Variants in SRD5A2 observed in about 807,000 individuals in gnomAD.
The protein encoded by SRD5A2 is 3-oxo-5-alpha-steroid 4-dehydrogenase 2.
In SRD5A2, 30 loss-of-function variants were observed where a neutral mutation model predicts 27.4. The observed-to-expected ratio is 1.10, with a 90% CI of 0.82 to 1.49. The LOEUF is 1.49. Ranked by LOEUF, SRD5A2 falls within the 40% of genes most tolerant of loss-of-function variation. The pLI, the probability that SRD5A2 is intolerant of heterozygous loss-of-function variation, is 0.00. For synonymous variants in SRD5A2, 141 were observed against 133.6 expected (o/e 1.06, Z -0.38); for missense variants, 348 against 323.4 (o/e 1.08, Z -0.58).
the SRD5A2 span, among the ~76,000 whole-genome samples, chr2:31,643,554 C>A: frequency 1.3e-5 from 2 of 151,952 alleles, no homozygotes; most frequent in African/African-American, 4.8e-5. Context: ...ATACGTAGTA[C>A]CTAGATCTTT....
the SRD5A2 span, among the ~76,000 whole-genome samples, chr2:31,640,350 T>G: frequency 4.0e-3 from 606 of 152,292 alleles, no homozygotes; most frequent in Middle Eastern, 0.01. Context: ...AGTCACTGGA[T>G]TTTTTCTTTG....
chr2:31,632,298 C>T, the SRD5A2 span, among the ~76,000 whole-genome samples: 33 of 152,234 alleles, frequency 2.2e-4, no homozygotes, highest in East Asian at 1.3e-3. Context: ...CTCTGGAACA[C>T]GGAAAGCCTG....
chr2:31,574,765 T>C (rs561780787), intron 1 of SRD5A2, among the ~76,000 whole-genome samples: 3 of 152,254 alleles, frequency 2.0e-5, no homozygotes, highest in East Asian at 1.9e-4. Flanking sequence ...AATTTTATTA[T>C]AGAATTACCA....
At chr2:31,599,361 T>C in the SRD5A2 span, among the ~76,000 whole-genome samples, 1 of 152,080 alleles carries the variant, frequency 6.6e-6, no homozygotes, top group African/African-American at 2.4e-5. Flanking sequence ...GAATATACTT[T>C]ATTTTCCTCA....
At chr2:31,618,663 T>G in the SRD5A2 span, among the ~76,000 whole-genome samples, 3 of 152,062 alleles carry the variant, frequency 2.0e-5, no homozygotes, top group African/African-American at 7.2e-5. Context: ...GGTGGTTACC[T>G]GAGGCTAAGG....
At chr2:31,614,241 G>A in the SRD5A2 span, among the ~76,000 whole-genome samples, 2 of 152,212 alleles carry the variant, frequency 1.3e-5, no homozygotes, top group African/African-American at 4.8e-5. Context: ...AGGGACATAA[G>A]CATTGGATAA....
chr2:31,642,753 T>A, the SRD5A2 span, among the ~76,000 whole-genome samples: 1 of 151,972 alleles, frequency 6.6e-6, no homozygotes, highest in Non-Finnish European at 1.5e-5. Flanking sequence ...CCTAAAACTA[T>A]AAACAACCCA....
chr2:31,630,856 C>G, the SRD5A2 span, among the ~76,000 whole-genome samples: 1 of 152,158 alleles, frequency 6.6e-6, no homozygotes, highest in Non-Finnish European at 1.5e-5. Flanking sequence ...AAAGGTCCGA[C>G]CAGACCTAGA....
At chr2:31,581,655 G>A (rs1352800517), upstream of SRD5A2, among the ~76,000 whole-genome samples, 3 of 152,144 alleles carry the variant, frequency 2.0e-5, no homozygotes, top group Admixed American at 6.5e-5. Context: ...GGGTGATCAT[G>A]CACAGATTGG....
intron 1 of SRD5A2, among the ~76,000 whole-genome samples, chr2:31,555,082 G>A (rs1434162118): frequency 6.6e-6 from 1 of 151,630 alleles, no homozygotes; most frequent in African/African-American, 2.4e-5. Flanking sequence ...GAATTTAAAT[G>A]TGGGTCTTCT....
At chr2:31,593,950 T>G in the SRD5A2 span, among the ~76,000 whole-genome samples, 1 of 152,172 alleles carries the variant, frequency 6.6e-6, no homozygotes, top group Non-Finnish European at 1.5e-5. Flanking sequence ...AAACTAATCT[T>G]CATAAATGAA....
chr2:31,557,245 C>T (rs186526595), intron 1 of SRD5A2, among the ~76,000 whole-genome samples: 237 of 152,354 alleles, frequency 1.6e-3, no homozygotes, highest in Non-Finnish European at 2.5e-3. Context: ...AAATTAATCA[C>T]AACCTTGGGC....
chr2:31,612,822 T>A, the SRD5A2 span, among the ~76,000 whole-genome samples: 1 of 152,230 alleles, frequency 6.6e-6, no homozygotes, highest in African/African-American at 2.4e-5. Context: ...AAAAAGGCAT[T>A]TTGACCGAGG....
upstream of SRD5A2, among the ~76,000 whole-genome samples, chr2:31,583,978 G>C (rs1169635631): frequency 6.6e-6 from 1 of 151,986 alleles, no homozygotes; most frequent in Non-Finnish European, 1.5e-5. Flanking sequence ...AGGTAATCAG[G>C]CTTAGGATTA....
intron 1 of SRD5A2, among the ~76,000 whole-genome samples, chr2:31,533,996 A>G (rs1232668672): frequency 6.6e-6 from 1 of 152,246 alleles, no homozygotes; most frequent in Admixed American, 6.5e-5. Flanking sequence ...TAATATATAA[A>G]TAATTTATGT....
At chr2:31,531,527 T>C (rs2148065290) in intron 2 of SRD5A2, 55 bp from the exon 3 acceptor site, 1 of 1,047,852 alleles carries the variant, frequency 9.5e-7, no homozygotes, top group South Asian at 1.5e-5. Context: ...CAGATTGTGG[T>C]GCTTTTTTCA....
the SRD5A2 span, among the ~76,000 whole-genome samples, chr2:31,600,199 T>C: frequency 6.6e-5 from 10 of 152,056 alleles, no homozygotes; most frequent in Non-Finnish European, 1.5e-5. Flanking sequence ...TCACATGGTA[T>C]ATATGTGCCA....
chr2:31,526,718 G>T (rs72866087), intron 4 of SRD5A2, among the ~76,000 whole-genome samples: 76 of 152,216 alleles, frequency 5.0e-4, no homozygotes, highest in African/African-American at 1.6e-3. Context: ...GGGAATGCCA[G>T]CAAATTGTCA....
At chr2:31,586,804 A>G in the SRD5A2 span, among the ~76,000 whole-genome samples, 4 of 152,212 alleles carry the variant, frequency 2.6e-5, no homozygotes, top group Non-Finnish European at 5.9e-5. Flanking sequence ...AGTGAAGCCT[A>G]CAATAAATCC....
Sources: gnomAD v4.1 joint callset for allele counts (sites outside exome capture counted in the v4.1 genomes callset) on GRCh38, gnomAD v4.1.1 for gene constraint, MANE v1.5 for transcripts, NCBI Gene and HGNC (gene_info 2026-07-23, HGNC 2026-07-21) for gene names.